Variants in GPC5 observed in about 807,000 individuals in gnomAD.
GPC5 encodes glypican 5.
In GPC5, 47 loss-of-function variants were observed where a neutral mutation model predicts 53.9. That is an observed-to-expected ratio of 0.87 (90% CI 0.69 to 1.11). The LOEUF is 1.11. Ranked by LOEUF, GPC5 falls within the 50% of genes most tolerant of loss-of-function variation. The pLI, the probability that GPC5 is intolerant of heterozygous loss-of-function variation, is 0.00. For synonymous variants in GPC5, 286 were observed against 263.3 expected (o/e 1.09, Z -0.84); for missense variants, 748 against 713.1 (o/e 1.05, Z -0.56).
intron 7 of GPC5, among the ~76,000 whole-genome samples, chr13:92,738,733 T>C (rs904173234): frequency 2.0e-5 from 3 of 152,236 alleles, no homozygotes; most frequent in African/African-American, 7.2e-5. Context: ...TTATTCAACA[T>C]TTTTCTAAGT....
At chr13:91,976,735 T>C (rs1009801507) in intron 6 of GPC5, among the ~76,000 whole-genome samples, 1 of 152,070 alleles carries the variant, frequency 6.6e-6, no homozygotes, top group African/African-American at 2.4e-5. Context: ...CAAATGTAAG[T>C]TTCAGGCTTT....
chr13:92,115,244 C>A (rs1394666315), intron 6 of GPC5, among the ~76,000 whole-genome samples: 2 of 152,204 alleles, frequency 1.3e-5, no homozygotes, highest in Non-Finnish European at 2.9e-5. Context: ...TGTGGTGGCT[C>A]ACCCTTGTAA....
At position 92,220,686 on chromosome 13, in the gene GPC5, G is replaced by T. The variant is rs548166816; in HGVS notation, c.1561+75697G>T. On this transcript the variant is annotated intron_variant, in intron 7 of 7. Coordinates refer to ENST00000377067, the MANE Select transcript of GPC5 (RefSeq NM_004466.6). ...TGTCTAGCATTTGTGTATCTTTTAA[G>T]ATATTAATTTTGAAGGAAGTTTATT... Among the ~76,000 whole-genome samples the T allele has an allele frequency of 3.9e-5, 6 of 152,174 alleles. 1 individual carries two copies. The South Asian group carries it at 1.2e-3, about 32-fold the overall frequency.
At position 92,623,018 on chromosome 13, in the gene GPC5, A is replaced by G. The variant is rs1244207958; in HGVS notation, c.1562-243264A>G. Among the ~76,000 whole-genome samples, 5 of 152,102 alleles carry G rather than the reference A, an allele frequency of 3.3e-5. No individual in the cohort carries two copies. The South Asian group carries it at 6.2e-4, about 19-fold the overall frequency. ...ATTTTTTCCTCTGAGATAACAGAAA[A>G]GTAAAAAGTTATATTTTTTTTACTT... On this transcript the variant is annotated intron_variant, in intron 7 of 7. Coordinates refer to ENST00000377067, the MANE Select transcript of GPC5 (RefSeq NM_004466.6).
chr13:92,823,671 C>T (rs1168829663), intron 7 of GPC5, among the ~76,000 whole-genome samples: 1 of 152,054 alleles, frequency 6.6e-6, no homozygotes, highest in Admixed American at 6.6e-5. Flanking sequence ...TGTTTACTAG[C>T]ATTGCAATTA....
chr13:92,166,182 C>A (rs748576031), intron 7 of GPC5, among the ~76,000 whole-genome samples: 26 of 152,162 alleles, frequency 1.7e-4, no homozygotes, highest in South Asian at 4.1e-4. Context: ...TGATATGCTT[C>A]ATGTACAGCA....
chr13:92,671,987 T>C (rs1386263844), intron 7 of GPC5, among the ~76,000 whole-genome samples: 1 of 152,152 alleles, frequency 6.6e-6, no homozygotes, highest in Non-Finnish European at 1.5e-5. Flanking sequence ...CCAGGGAATA[T>C]AGTGCAGGGC....
intron 7 of GPC5, among the ~76,000 whole-genome samples, chr13:92,473,330 G>T (rs74107285): frequency 6.6e-6 from 1 of 151,950 alleles, no homozygotes; most frequent in African/African-American, 2.4e-5. Context: ...ATTTATACTC[G>T]ATCACACTGT....
intron 2 of GPC5, among the ~76,000 whole-genome samples, chr13:91,589,140 C>T (rs1000419815): frequency 6.6e-6 from 1 of 151,990 alleles, no homozygotes. Flanking sequence ...TGTCTTTGAC[C>T]GTCTCTTCCT....
At chr13:92,068,152 A>G (rs1480196700) in intron 6 of GPC5, among the ~76,000 whole-genome samples, 1 of 151,980 alleles carries the variant, frequency 6.6e-6, no homozygotes, top group Non-Finnish European at 1.5e-5. Flanking sequence ...TATCACATGT[A>G]GATTGAACCT....
intron 7 of GPC5, among the ~76,000 whole-genome samples, chr13:92,295,439 T>C (rs2043027880): frequency 1.3e-5 from 2 of 152,192 alleles, no homozygotes; most frequent in African/African-American, 2.4e-5. Flanking sequence ...TGTCCTATCG[T>C]AGGTCTATCT....
chr13:92,037,715 T>G (rs1315943772), intron 6 of GPC5, among the ~76,000 whole-genome samples: 1 of 152,126 alleles, frequency 6.6e-6, no homozygotes, highest in African/African-American at 2.4e-5. Context: ...AACCAACTAT[T>G]TAAAAGCTCA....
intron 7 of GPC5, among the ~76,000 whole-genome samples, chr13:92,775,241 T>G (rs1218947916): frequency 6.6e-6 from 1 of 152,208 alleles, no homozygotes; most frequent in Non-Finnish European, 1.5e-5. Flanking sequence ...AATAATGGCA[T>G]TTCACAGAAG....
chr13:92,127,299 ATGTATATATG>A (rs1356429784), intron 6 of GPC5, among the ~76,000 whole-genome samples: 2 of 151,762 alleles, frequency 1.3e-5, no homozygotes, highest in African/African-American at 2.4e-5. Context: ...GTGTGTATAT[ATGTATATATG>A]TGTATATATA....
At chr13:92,017,964 T>TACACGTGCAGCACGAGTACAC (rs2040722318) in intron 6 of GPC5, among the ~76,000 whole-genome samples, 4 of 149,064 alleles carry the variant, frequency 2.7e-5, no homozygotes, top group Non-Finnish European at 5.9e-5. Context: ...CACGAGTACA[T>TACACGTGCAGCACGAGTACAC]ACACGTGCAG....
At chr13:91,730,205 C>T (rs1289030023) in intron 4 of GPC5, among the ~76,000 whole-genome samples, 1 of 152,218 alleles carries the variant, frequency 6.6e-6, no homozygotes, top group Non-Finnish European at 1.5e-5. Context: ...GGCTTCATTG[C>T]CATGGCATTA....
chr13:91,410,659 A>G (rs1386314449), intron 1 of GPC5, among the ~76,000 whole-genome samples: 2 of 151,992 alleles, frequency 1.3e-5, no homozygotes, highest in African/African-American at 2.4e-5. Flanking sequence ...CTTCATCTTA[A>G]TGGAATATCA....
chr13:92,815,475 G>T (rs1877438266), intron 7 of GPC5, among the ~76,000 whole-genome samples: 1 of 152,072 alleles, frequency 6.6e-6, no homozygotes, highest in East Asian at 1.9e-4. Flanking sequence ...GGAGAAAATT[G>T]TGAGGAAATC....
At chr13:91,584,256 C>T (rs2032478071) in intron 2 of GPC5, among the ~76,000 whole-genome samples, 1 of 152,020 alleles carries the variant, frequency 6.6e-6, no homozygotes, top group African/African-American at 2.4e-5. Context: ...TGCGAAGTTA[C>T]AGTAAATAAG....
Sources: allele counts gnomAD v4.1 joint callset (sites outside exome capture counted in the v4.1 genomes callset), GRCh38; gene constraint gnomAD v4.1.1; transcripts MANE v1.5; gene names NCBI Gene and HGNC (gene_info 2026-07-23, HGNC 2026-07-21).